Variants in RPS6KC1 observed in about 807,000 individuals in gnomAD.
The protein encoded by RPS6KC1 is inactive ribosomal protein S6 kinase delta-1.
In RPS6KC1, 54 loss-of-function variants were observed where a neutral mutation model predicts 103.8. The observed-to-expected ratio is 0.52, with a 90% CI of 0.42 to 0.65. RPS6KC1 has a LOEUF of 0.65. Among genes scored for constraint, RPS6KC1 ranks in the 30% least tolerant of loss-of-function variants. The pLI is 0.00. For synonymous variants in RPS6KC1, 439 were observed against 438.7 expected (o/e 1.00, Z -0.01); for missense variants, 1,151 against 1,253.8 (o/e 0.92, Z 1.24).
chr1:213,179,339 C>T (rs761511393), intron 8 of RPS6KC1, among the ~76,000 whole-genome samples: 3 of 151,046 alleles, frequency 2.0e-5, no homozygotes, highest in East Asian at 2.0e-4. Flanking sequence ...TGTGTGAACC[C>T]GGGAGGTGGA....
intron 2 of RPS6KC1, among the ~76,000 whole-genome samples, chr1:213,071,457 A>C (rs917421161): frequency 3.3e-5 from 5 of 152,146 alleles, no homozygotes; most frequent in Non-Finnish European, 7.4e-5. Flanking sequence ...TGTTTGCGTG[A>C]AGATTGTCTT....
the RPS6KC1 span, among the ~76,000 whole-genome samples, chr1:213,560,923 T>A: frequency 6.6e-6 from 1 of 152,214 alleles, no homozygotes; most frequent in Non-Finnish European, 1.5e-5. Flanking sequence ...TCCATGTTGC[T>A]ACCATATTGT....
chr1:213,247,565 A>G (rs1183049533), intron 12 of RPS6KC1, among the ~76,000 whole-genome samples: 1 of 152,226 alleles, frequency 6.6e-6, no homozygotes, highest in East Asian at 1.9e-4. Flanking sequence ...TGAGGCTATC[A>G]GAAGTTTTTA....
the RPS6KC1 span, among the ~76,000 whole-genome samples, chr1:213,456,152 G>A: frequency 2.0e-5 from 3 of 152,138 alleles, no homozygotes; most frequent in Admixed American, 2.0e-4. Flanking sequence ...GATTAGTTTT[G>A]TGCTCAAAAC....
chr1:213,405,299 G>A, the RPS6KC1 span, among the ~76,000 whole-genome samples: 10 of 152,224 alleles, frequency 6.6e-5, no homozygotes, highest in African/African-American at 2.4e-4. Flanking sequence ...TCCCTGGCTC[G>A]AATCCGCTGA....
chr1:213,419,042 C>A, the RPS6KC1 span, among the ~76,000 whole-genome samples: 1,253 of 152,364 alleles, frequency 8.2e-3, 24 homozygotes, highest in African/African-American at 0.028. Flanking sequence ...TTCTCTGGAA[C>A]TTTCTCTCTC....
chr1:213,063,646 TAATA>T (rs1271681217), intron 1 of RPS6KC1, among the ~76,000 whole-genome samples: 3 of 152,144 alleles, frequency 2.0e-5, no homozygotes, highest in Admixed American at 6.6e-5. Context: ...AGGATGATAA[TAATA>T]AATAACATAA....
the RPS6KC1 span, among the ~76,000 whole-genome samples, chr1:213,609,238 A>G: frequency 1.3e-5 from 2 of 152,246 alleles, no homozygotes; most frequent in Non-Finnish European, 2.9e-5. Context: ...AATACTTTCT[A>G]TTCTTACCTT....
At chr1:213,600,774 T>G in the RPS6KC1 span, among the ~76,000 whole-genome samples, 1 of 152,252 alleles carries the variant, frequency 6.6e-6, no homozygotes, top group Admixed American at 6.5e-5. Context: ...AGGGTGCATG[T>G]TTTTGAGAAG....
chr1:213,548,864 T>C, the RPS6KC1 span, among the ~76,000 whole-genome samples: 3 of 152,226 alleles, frequency 2.0e-5, no homozygotes, highest in Non-Finnish European at 2.9e-5. Flanking sequence ...ATTCAATATA[T>C]ATTTCCTAAC....
chr1:213,840,444 C>T, the RPS6KC1 span: 2 of 152,090 alleles, frequency 1.3e-5, no homozygotes, highest in Non-Finnish European at 2.9e-5. Context: ...TATGAAGTTT[C>T]TTTCAAAACA....
the RPS6KC1 span, among the ~76,000 whole-genome samples, chr1:213,307,061 T>G: frequency 9.5e-4 from 103 of 108,500 alleles, 1 homozygote; most frequent in African/African-American, 5.1e-3. Flanking sequence ...AGGATGCAGG[T>G]TTTTTTTTTT....
the RPS6KC1 span, among the ~76,000 whole-genome samples, chr1:213,708,760 A>G: frequency 6.6e-6 from 1 of 152,182 alleles, no homozygotes; most frequent in African/African-American, 2.4e-5. Flanking sequence ...TTTAACATGA[A>G]GCGGTGTTGA....
chr1:213,683,502 T>TC, the RPS6KC1 span, among the ~76,000 whole-genome samples: 2 of 151,870 alleles, frequency 1.3e-5, no homozygotes, highest in Admixed American at 6.6e-5. Flanking sequence ...AGTACATTCC[T>TC]CCCCCCAGCC....
At chr1:213,227,787 T>C (rs1311440860) in intron 8 of RPS6KC1, among the ~76,000 whole-genome samples, 1 of 152,244 alleles carries the variant, frequency 6.6e-6, no homozygotes, top group Non-Finnish European at 1.5e-5. Context: ...TTGAATATGA[T>C]TTCCCTTTCA....
chr1:213,514,148 C>T, the RPS6KC1 span, among the ~76,000 whole-genome samples: 1 of 152,208 alleles, frequency 6.6e-6, no homozygotes, highest in Non-Finnish European at 1.5e-5. Flanking sequence ...ATCTTTGTGA[C>T]TTCTCAGCAT....
At chr1:213,126,141 A>G (rs2084968628) in intron 5 of RPS6KC1, among the ~76,000 whole-genome samples, 2 of 152,158 alleles carry the variant, frequency 1.3e-5, no homozygotes, top group Non-Finnish European at 2.9e-5. Context: ...GCTAGATTAT[A>G]TATTGGCATC....
At chr1:213,561,282 C>T in the RPS6KC1 span, among the ~76,000 whole-genome samples, 1 of 152,176 alleles carries the variant, frequency 6.6e-6, no homozygotes, top group South Asian at 2.1e-4. Flanking sequence ...TACTGTAAAT[C>T]TATTTATGTG....
the RPS6KC1 span, among the ~76,000 whole-genome samples, chr1:213,334,783 C>A: frequency 6.6e-6 from 1 of 152,210 alleles, no homozygotes; most frequent in African/African-American, 2.4e-5. Context: ...CTCTTTCTCT[C>A]CTTTATCCAT....
Sources: gnomAD v4.1 joint callset for allele counts (sites outside exome capture counted in the v4.1 genomes callset) on GRCh38, gnomAD v4.1.1 for gene constraint, MANE v1.5 for transcripts, NCBI Gene and HGNC (gene_info 2026-07-23, HGNC 2026-07-21) for gene names.